RGS17: variants seen among roughly 807,000 people sequenced by gnomAD.
The protein encoded by RGS17 is regulator of G protein signaling 17.
A neutral mutation model predicts 25.5 loss-of-function variants in RGS17; 12 were observed. The observed-to-expected ratio is 0.47, with a 90% CI of 0.30 to 0.76. The LOEUF is 0.76. Ranked by LOEUF, RGS17 falls within the 30% of genes least tolerant of loss-of-function variation. The pLI, the probability that RGS17 is intolerant of heterozygous loss-of-function variation, is 0.07. For synonymous variants in RGS17, 71 were observed against 76.9 expected, an observed-to-expected ratio of 0.92 and a Z score of 0.40; for missense variants, 196 against 242.2, an observed-to-expected ratio of 0.81 and a Z score of 1.27.
chr6:153,107,487 T>C (rs1194077218), intron 1 of RGS17, among the ~76,000 whole-genome samples: 1 of 152,188 alleles, frequency 6.6e-6, no homozygotes, highest in Non-Finnish European at 1.5e-5. Context: ...AGCCTTTAGC[T>C]GTTTTTATAA....
intron 1 of RGS17, among the ~76,000 whole-genome samples, chr6:153,076,530 C>T (rs1258659129): frequency 6.6e-6 from 1 of 152,030 alleles, no homozygotes; most frequent in Non-Finnish European, 1.5e-5. Flanking sequence ...CCATTCCCCA[C>T]AAAAAGGAAC....
intron 1 of RGS17, among the ~76,000 whole-genome samples, chr6:153,104,678 C>T (rs1345571049): frequency 6.6e-6 from 1 of 151,900 alleles, no homozygotes; most frequent in Non-Finnish European, 1.5e-5. Context: ...TCACATGGAA[C>T]ATTTAAGAGT....
At chr6:153,103,667 T>C (rs1345445607) in intron 1 of RGS17, among the ~76,000 whole-genome samples, 1 of 152,226 alleles carries the variant, frequency 6.6e-6, no homozygotes, top group Non-Finnish European at 1.5e-5. Flanking sequence ...AAGAAATAAA[T>C]TGAGCAAATT....
At chr6:153,036,354 C>T (rs558764577) in intron 2 of RGS17, among the ~76,000 whole-genome samples, 1 of 152,236 alleles carries the variant, frequency 6.6e-6, no homozygotes, top group African/African-American at 2.4e-5. Context: ...TGCCCGGCCC[C>T]CTTGCTGCGT....
At chr6:153,026,697 TG>T (rs1779306444) in intron 2 of RGS17, among the ~76,000 whole-genome samples, 154 bp from the exon 3 acceptor site, 1 of 152,170 alleles carries the variant, frequency 6.6e-6, no homozygotes, top group Non-Finnish European at 1.5e-5. Flanking sequence ...TTTTAAATGA[TG>T]GGCAAGCCCA....
At chr6:153,043,845 T>C in intron 2 of RGS17, 55 bp downstream of exon 2, 1 of 1,079,450 alleles carries the variant, frequency 9.3e-7, no homozygotes, top group Non-Finnish European at 1.4e-6. Context: ...GCATGCATGT[T>C]CACACTAGTG....
intron 2 of RGS17, among the ~76,000 whole-genome samples, chr6:153,039,408 G>A (rs1776293063): frequency 1.3e-5 from 2 of 152,102 alleles, no homozygotes; most frequent in Non-Finnish European, 2.9e-5. Context: ...CTGGAGCCAG[G>A]GCTGTGGCCA....
chr6:153,019,376 T>C (rs577223003), intron 4 of RGS17, among the ~76,000 whole-genome samples: 3 of 152,340 alleles, frequency 2.0e-5, no homozygotes, highest in East Asian at 3.9e-4. Flanking sequence ...CTGTTTACAG[T>C]TGATAAGAGC....
intron 1 of RGS17, among the ~76,000 whole-genome samples, chr6:153,050,414 T>C (rs1776445988): frequency 6.6e-6 from 1 of 152,074 alleles, no homozygotes; most frequent in Non-Finnish European, 1.5e-5. Flanking sequence ...AAAAACCTAA[T>C]AGAAAAATTG....
chr6:153,036,413 C>G (rs1221646628), intron 2 of RGS17, among the ~76,000 whole-genome samples: 1 of 152,128 alleles, frequency 6.6e-6, no homozygotes, highest in African/African-American at 2.4e-5. Context: ...GTTTGCAACT[C>G]TCTCACTCCT....
intron 1 of RGS17, among the ~76,000 whole-genome samples, chr6:153,105,027 A>AAGGAAGAG (rs1163694950): frequency 6.6e-6 from 1 of 152,212 alleles, no homozygotes; most frequent in Non-Finnish European, 1.5e-5. Context: ...CAGAATCAGA[A>AAGGAAGAG]AGGAAGAGCC....
At chr6:153,070,203 G>C (rs751139630) in intron 1 of RGS17, among the ~76,000 whole-genome samples, 1 of 151,984 alleles carries the variant, frequency 6.6e-6, no homozygotes, top group East Asian at 1.9e-4. Flanking sequence ...GAAATAATAA[G>C]TAAAATGACA....
Position 153,115,985 on chromosome 6 carries a change from G to A in RGS17, c.-26+15139C>T, listed in dbSNP as rs570701959. On this transcript the variant is annotated intron_variant, in intron 1 of 4. Coordinates refer to ENST00000206262, the MANE Select transcript of RGS17 (RefSeq NM_012419.5). ...TGTAGAAACCTTAGAAGAAAACCTA[G>A]GCAATACCATTCAGGATATGGGCAT... Among the ~76,000 whole-genome samples the A allele has an allele frequency of 5.3e-4, 80 of 152,228 alleles. 1 individual carries two copies. Among genetic ancestry groups the A allele is most frequent in the African/African-American group, 1.8e-3 (76 of 41,542 alleles).
chr6:153,047,370 T>C (rs1036929570), intron 1 of RGS17, among the ~76,000 whole-genome samples: 1 of 152,178 alleles, frequency 6.6e-6, no homozygotes, highest in African/African-American at 2.4e-5. Context: ...ATTACGAAAA[T>C]GGGTGGGCTG....
At position 153,010,413 on chromosome 6, in the gene RGS17, A is replaced by G. The variant is rs1779118338; in HGVS notation, c.*1161T>C. 1 of 147,540 alleles carries G rather than the reference A, an allele frequency of 6.8e-6. No homozygotes were observed. Among genetic ancestry groups the G allele is most frequent in the Admixed American group, 6.7e-5 (1 of 14,852 alleles). The allele number at this position is 147,540 out of a possible 1,614,324, so 9.1% of individuals were successfully genotyped here. A position where few individuals can be genotyped will look rare whatever the true frequency, so the allele number is the denominator to read the frequency against. On this transcript the variant is annotated 3_prime_UTR_variant, in exon 5 of 5. Transcript: ENST00000206262. ...TGCCTTTTAATGATGGATGAAAACT[A>G]ATAGTTTGGTTTAAACATCTTTAAA...
At chr6:153,075,492 T>C (rs1156366632) in intron 1 of RGS17, among the ~76,000 whole-genome samples, 4 of 152,118 alleles carry the variant, frequency 2.6e-5, no homozygotes, top group African/African-American at 4.8e-5. Context: ...ATGTGTCACC[T>C]AGAGAAAAGA....
intron 1 of RGS17, among the ~76,000 whole-genome samples, chr6:153,126,041 C>T (rs1777699128): frequency 6.6e-6 from 1 of 152,122 alleles, no homozygotes; most frequent in African/African-American, 2.4e-5. Flanking sequence ...TAAGGTAACA[C>T]ATTAAATTCT....
intron 1 of RGS17, among the ~76,000 whole-genome samples, chr6:153,045,252 G>A (rs934262117): frequency 3.3e-5 from 5 of 152,170 alleles, no homozygotes; most frequent in African/African-American, 4.8e-5. Context: ...AAACAGAAGC[G>A]GGCAAAGGTC....
intron 1 of RGS17, among the ~76,000 whole-genome samples, 197 bp from the exon 2 acceptor site, chr6:153,044,240 G>A (rs184094488): frequency 7.2e-5 from 11 of 152,278 alleles, no homozygotes; most frequent in African/African-American, 2.4e-4. Flanking sequence ...GGGGAGGAAC[G>A]TCTACCTTTA....
Sources: allele counts gnomAD v4.1 joint callset (sites outside exome capture counted in the v4.1 genomes callset), GRCh38; gene constraint gnomAD v4.1.1; transcripts MANE v1.5; gene names NCBI Gene and HGNC (gene_info 2026-07-23, HGNC 2026-07-21).